ANK2: variants seen among roughly 807,000 people sequenced by gnomAD.
The protein encoded by ANK2 is ankyrin-2.
A neutral mutation model predicts 360.5 loss-of-function variants in ANK2; 83 were observed. That is an observed-to-expected ratio of 0.23 (90% confidence interval 0.19 to 0.28). ANK2 has a LOEUF of 0.28. ANK2 is among the 10% of genes least tolerant of loss of function. The probability of loss-of-function intolerance (pLI) is 1.00; values close to 1 mark genes in which losing one functional copy is unlikely to be tolerated. For synonymous variants in ANK2, 1,740 were observed against 1,759.5 expected, an observed-to-expected ratio of 0.99 and a Z score of 0.28; for missense variants, 4,201 against 4,795.7, an observed-to-expected ratio of 0.88 and a Z score of 3.66.
Position 113,358,956 on chromosome 4 carries a change from C to G in ANK2, c.10338C>G (p.Ser3446Arg), listed in dbSNP as rs1299881678. The G allele has an allele frequency of 6.2e-7, 1 of 1,613,996 alleles. No individual in the cohort carries two copies. Among genetic ancestry groups the G allele is most frequent in the Non-Finnish European group, 8.5e-7 (1 of 1,179,950 alleles). ...TTACATCCCGATTGCCAGTTAAGAG[C>G]AGAAGCACTACATCTTCCTGCAGGG... ...KILTSRLPVK[S>R]RSTTSSCRGG... Residue 3446 changes from serine (S) to arginine (R), a missense_variant, in exon 38 of 46, where the codon AGC becomes AGG. Ser to Arg is a moderately radical substitution (Grantham distance 110). This residue lies in a region of ANK2 where 2,642 missense variants were observed against 2,714.5 expected (regional missense o/e 0.97). Coordinates refer to ENST00000357077, the MANE Select transcript of ANK2 (RefSeq NM_001148.6).
At chr4:113,127,442 C>T (rs1462689030) in intron 1 of ANK2, among the ~76,000 whole-genome samples, 2 of 147,748 alleles carry the variant, frequency 1.4e-5, no homozygotes, top group Non-Finnish European at 1.5e-5. Flanking sequence ...GGTATCATAA[C>T]TTTTAAATTT....
chr4:113,375,870 C>A (rs544877957), intron 45 of ANK2, among the ~76,000 whole-genome samples: 24 of 152,042 alleles, frequency 1.6e-4, no homozygotes, highest in Non-Finnish European at 2.9e-4. Flanking sequence ...TGGCATGGAG[C>A]TATTATGACA....
the ANK2 span, among the ~76,000 whole-genome samples, chr4:112,707,282 A>T: frequency 5.3e-5 from 8 of 152,224 alleles, no homozygotes; most frequent in African/African-American, 1.9e-4. Flanking sequence ...ATTGATGCCT[A>T]ACAAGGTCTT....
intron 29 of ANK2, among the ~76,000 whole-genome samples, chr4:113,335,291 A>G (rs916447271): frequency 1.3e-5 from 2 of 152,206 alleles, no homozygotes; most frequent in Non-Finnish European, 2.9e-5. Context: ...CACAGTGAGT[A>G]CCTCAGACAC....
chr4:113,151,962 G>A (rs2097105676), intron 1 of ANK2, among the ~76,000 whole-genome samples: 2 of 149,198 alleles, frequency 1.3e-5, no homozygotes, highest in Non-Finnish European at 3.0e-5. Context: ...AGCTACTGGG[G>A]GGCTGAGGTG....
rs202045447 is a variant in ANK2, at chr4:113,354,021, C to T, written c.5403C>T (p.Thr1801=). 6.2e-7 allele frequency: 1 copy of T among 1,613,918 alleles called. No individual in the cohort carries two copies. The highest frequency in any genetic ancestry group is 1.3e-5 in the African/African-American group (1 of 74,916). The change falls in exon 38 of 46, where the codon ACC becomes ACT. Residue 1801 remains threonine, a synonymous_variant. Coordinates refer to ENST00000357077, the MANE Select transcript of ANK2 (RefSeq NM_001148.6). ...VKGKEDVPKK[T]THRPHPAASP... ...GCAAGGAGGACGTGCCAAAAAAGAC[C>T]ACCCACAGGCCACATCCAGCTGCGT...
chr4:112,882,259 C>G (rs2150451610), intron 1 of ANK2: 1 of 152,658 alleles, frequency 6.6e-6, no homozygotes, highest in East Asian at 1.9e-4. Context: ...TAATTCCTAG[C>G]AATGTTAGAG....
chr4:112,888,185 T>C (rs1331275815), intron 1 of ANK2, among the ~76,000 whole-genome samples: 2 of 152,298 alleles, frequency 1.3e-5, no homozygotes, highest in South Asian at 2.1e-4. Flanking sequence ...ATAAGCTTTC[T>C]TTGACAACAA....
chr4:113,253,758 G>A (rs1405443119), intron 10 of ANK2, among the ~76,000 whole-genome samples: 1 of 152,112 alleles, frequency 6.6e-6, no homozygotes, highest in Non-Finnish European at 1.5e-5. Flanking sequence ...CTGGAGGACT[G>A]CAAGAGGCCC....
chr4:113,352,236 G>C (rs761000985), intron 37 of ANK2, among the ~76,000 whole-genome samples: 5 of 152,174 alleles, frequency 3.3e-5, no homozygotes, highest in Non-Finnish European at 1.5e-5. Flanking sequence ...GGGTTGCCAT[G>C]CATCACATTT....
intron 36 of ANK2, among the ~76,000 whole-genome samples, chr4:113,348,662 C>CA (rs2095156053): frequency 6.6e-6 from 1 of 152,008 alleles, no homozygotes; most frequent in East Asian, 1.9e-4. Context: ...AATTAAATGT[C>CA]TTAGTACATT....
intron 1 of ANK2, chr4:113,151,256 C>A: frequency 1.5e-6 from 1 of 685,748 alleles, no homozygotes; most frequent in Non-Finnish European, 2.1e-6. Context: ...TGTCGTAGTT[C>A]ATTTGTGTAG....
chr4:113,296,176 A>AT (rs1378828364), intron 22 of ANK2, among the ~76,000 whole-genome samples: 1 of 152,124 alleles, frequency 6.6e-6, no homozygotes. Context: ...CTTAATAGGA[A>AT]TTTTGTGAAG....
the ANK2 span, among the ~76,000 whole-genome samples, chr4:112,786,914 A>C: frequency 6.6e-6 from 1 of 151,748 alleles, no homozygotes; most frequent in Non-Finnish European, 1.5e-5. Context: ...AGGCCTGGCT[A>C]ATTTTTGTAT....
Position 113,335,825 on chromosome 4 carries a change from GT to G in ANK2, c.3380-20del. 6.2e-7 allele frequency: 1 copy of G among 1,602,844 alleles called. No individual in the cohort carries two copies. Among genetic ancestry groups the G allele is most frequent in the Non-Finnish European group, 8.5e-7 (1 of 1,169,838 alleles). On this transcript the variant is annotated intron_variant, in intron 29 of 45. Transcript: ENST00000357077. ...GGAAATCTTTGCTATGTGAATGAAGGTGGGTCATTTCTTGTCTTAGTACTGG... is the reference window on the plus strand; with the variant it reads ...GGAAATCTTTGCTATGTGAATGAAGGGGGTCATTTCTTGTCTTAGTACTGG...
chr4:113,126,919 T>A (rs2095694745), intron 1 of ANK2, among the ~76,000 whole-genome samples: 1 of 152,180 alleles, frequency 6.6e-6, no homozygotes, highest in African/African-American at 2.4e-5. Flanking sequence ...TAAGACTAAT[T>A]CCCATTAATC....
At chr4:113,303,625 A>G (rs552795604) in intron 23 of ANK2, among the ~76,000 whole-genome samples, 1 of 152,246 alleles carries the variant, frequency 6.6e-6, no homozygotes, top group South Asian at 2.1e-4. Flanking sequence ...ACTTCCATGT[A>G]ATAATCCACT....
intron 2 of ANK2, among the ~76,000 whole-genome samples, chr4:112,945,104 G>A (rs145491310): frequency 3.6e-4 from 55 of 152,214 alleles, no homozygotes; most frequent in African/African-American, 1.2e-3. Flanking sequence ...ATCTTGGGTT[G>A]GCAGGGGCTC....
chr4:113,114,188 C>T (rs1005374036), intron 1 of ANK2, among the ~76,000 whole-genome samples: 1 of 152,040 alleles, frequency 6.6e-6, no homozygotes, highest in African/African-American at 2.4e-5. Context: ...GAGTGGGTTC[C>T]TTTTCCGAGG....
Sources: allele counts gnomAD v4.1 joint callset (sites outside exome capture counted in the v4.1 genomes callset), GRCh38; gene constraint gnomAD v4.1.1; regional missense constraint gnomAD v4.1.1; transcripts MANE v1.5; gene names NCBI Gene and HGNC (gene_info 2026-07-23, HGNC 2026-07-21).